The following BRD3 variants were observed in gnomAD, a reference collection of about 807,000 sequenced individuals.
The protein encoded by BRD3 is bromodomain containing 3.
In BRD3, 17 loss-of-function variants were observed where a neutral mutation model predicts 66.8. The observed-to-expected ratio is 0.25, with a 90% CI of 0.17 to 0.38. The LOEUF (loss-of-function observed/expected upper bound fraction) is 0.38. BRD3 is among the 10% of genes least tolerant of loss of function. The pLI is 1.00. For synonymous variants in BRD3, 421 were observed against 393.2 expected, an observed-to-expected ratio of 1.07 and a Z score of -0.84; for missense variants, 713 against 956.1, an observed-to-expected ratio of 0.75 and a Z score of 3.35.
In BRD3 at chr9:134,059,146, G is replaced by C. The variant is rs74750750; in HGVS notation, c.-113-5556C>G. Among the ~76,000 whole-genome samples, 52 of 152,364 alleles carry C rather than the reference G, an allele frequency of 3.4e-4. 1 individual carries two copies. Among genetic ancestry groups the C allele is most frequent in the African/African-American group, 1.2e-3 (51 of 41,578 alleles). On this transcript the variant is annotated intron_variant, in intron 1 of 11. Transcript: ENST00000303407. ...GAAATGTGTCTGGAATCTGCTTCAT[G>C]ATAATGTGGGGGGTGAAAATGAGTG...
intron 6 of BRD3, among the ~76,000 whole-genome samples, chr9:134,047,361 T>A (rs959500541): frequency 6.6e-6 from 1 of 150,574 alleles, no homozygotes; most frequent in Non-Finnish European, 1.5e-5. Context: ...GGCTTGGAGC[T>A]CTCCCAGAGG....
At chr9:134,063,272 C>T (rs1411827641) in intron 1 of BRD3, among the ~76,000 whole-genome samples, 1 of 152,204 alleles carries the variant, frequency 6.6e-6, no homozygotes, top group Non-Finnish European at 1.5e-5. Flanking sequence ...TGCAGCACAT[C>T]TGTCTGTGAG....
At chr9:134,044,835 G>A (rs934582884) in intron 7 of BRD3, among the ~76,000 whole-genome samples, 2 of 152,096 alleles carry the variant, frequency 1.3e-5, no homozygotes, top group South Asian at 2.1e-4. Context: ...TCTCCAATCC[G>A]CCTTTTACTT....
At position 134,040,170 on chromosome 9, in the gene BRD3, C is replaced by CCTTCTT; in HGVS notation, c.1501_1506dup (p.Lys501_Lys502dup). The CCTTCTT allele has an allele frequency of 1.9e-6, 3 of 1,563,698 alleles. No homozygotes were observed. Among genetic ancestry groups the CCTTCTT allele is most frequent in the East Asian group, 2.4e-5 (1 of 42,230 alleles). ...TGCTTCTCCTTCTCCTTCTCCTTGT[C>CCTTCTT]CTTCTTCTTCTTCTCCTTCTCCTTC... On this transcript the variant is annotated inframe_insertion, in exon 9 of 12. Coordinates refer to ENST00000303407, the MANE Select transcript of BRD3 (RefSeq NM_007371.4).
intron 9 of BRD3, among the ~76,000 whole-genome samples, chr9:134,037,401 T>C (rs1218151908): frequency 6.6e-6 from 1 of 151,946 alleles, no homozygotes; most frequent in African/African-American, 2.4e-5. Flanking sequence ...TGAAACCCTG[T>C]CTCTACTAAA....
intron 7 of BRD3, among the ~76,000 whole-genome samples, chr9:134,042,804 C>T (rs1204308898): frequency 2.0e-5 from 3 of 148,546 alleles, no homozygotes; most frequent in Non-Finnish European, 4.4e-5. Flanking sequence ...CACACACACA[C>T]ACACACACAC....
chr9:134,031,476 T>A lies in BRD3; in HGVS notation c.*2114A>T. On this transcript the variant is annotated 3_prime_UTR_variant, in exon 12 of 12. Coordinates refer to ENST00000303407, the MANE Select transcript of BRD3 (RefSeq NM_007371.4). ...TTCGGTTTAAATAGTCCATTAAAGA[T>A]CTGTTTAGAAAATACCTTTGAAAAC... The A allele has an allele frequency of 5.0e-6, 1 of 198,184 alleles. No individual in the cohort carries two copies. The highest frequency in any genetic ancestry group is 1.0e-5 in the Non-Finnish European group (1 of 98,450). The allele number at this position is 198,184 out of a possible 1,614,324, so 12.3% of individuals were successfully genotyped here.
intron 1 of BRD3, chr9:134,053,804 T>G: frequency 3.0e-6 from 1 of 337,354 alleles, no homozygotes; most frequent in Non-Finnish European, 5.4e-6. Flanking sequence ...CAACCACTGC[T>G]CTCAGGCACG....
chr9:134,034,932 C>G, intron 10 of BRD3, 103 bp from the exon 11 acceptor site: 1 of 1,512,664 alleles, frequency 6.6e-7, no homozygotes, highest in East Asian at 2.3e-5. Context: ...ACACTGGCAT[C>G]CATGCCAGCT....
At chr9:134,040,835 A>G in intron 8 of BRD3, among the ~76,000 whole-genome samples, 1 of 152,254 alleles carries the variant, frequency 6.6e-6, no homozygotes. Context: ...ATCCACTGCC[A>G]GCAACCAGCA....
chr9:134,033,381 C>G lies in BRD3; in HGVS notation c.*209G>C. 2.1e-6 allele frequency: 1 copy of G among 476,704 alleles called. No individual in the cohort carries two copies. Among genetic ancestry groups the G allele is most frequent in the Non-Finnish European group, 3.7e-6 (1 of 269,700 alleles). The allele number at this position is 476,704 out of a possible 1,614,324, so 29.5% of individuals were successfully genotyped here. A position where few individuals can be genotyped will look rare whatever the true frequency, so the allele number is the denominator to read the frequency against. ...AATTCAGTGATGAAGAAGAGACTTT[C>G]TGCAGAGTTCACACCTTCTCATCAA... On this transcript the variant is annotated 3_prime_UTR_variant, in exon 12 of 12. Coordinates refer to ENST00000303407, the MANE Select transcript of BRD3 (RefSeq NM_007371.4). The surrounding 1 kb of genome is among the most constrained non-coding windows in gnomAD (Gnocchi z 5.1).
intron 1 of BRD3, among the ~76,000 whole-genome samples, chr9:134,059,276 C>T (rs985376929): frequency 2.0e-5 from 3 of 152,228 alleles, no homozygotes; most frequent in Non-Finnish European, 4.4e-5. Flanking sequence ...GCACCCCGTT[C>T]CTCAACACAC....
chr9:134,039,425 G>T (rs920215271), intron 9 of BRD3, among the ~76,000 whole-genome samples: 1 of 152,090 alleles, frequency 6.6e-6, no homozygotes, highest in Non-Finnish European at 1.5e-5. Flanking sequence ...CTTTGTACCC[G>T]TTGTTCCCTG....
At chr9:134,037,208 AG>A (rs1439182821) in intron 9 of BRD3, among the ~76,000 whole-genome samples, 1 of 152,228 alleles carries the variant, frequency 6.6e-6, no homozygotes, top group African/African-American at 2.4e-5. Flanking sequence ...ACTAGTCAAA[AG>A]AAAGCTGGTG....
At position 134,033,199 on chromosome 9, in the gene BRD3, C is replaced by A; in HGVS notation, c.*391G>T. 2.5e-6 allele frequency: 1 copy of A among 407,164 alleles called. No homozygotes were observed. The highest frequency in any genetic ancestry group is 4.3e-6 in the Non-Finnish European group (1 of 231,430). 25.2% of individuals were successfully genotyped at this position (407,164 alleles called of 1,614,324 possible). Reference sequence around the variant, plus strand: ...AGCTAACAGCTTTCAAATACAGTACCCATATCCGAGACATTTCCTTGGAAA... The same window carrying A: ...AGCTAACAGCTTTCAAATACAGTACACATATCCGAGACATTTCCTTGGAAA... On this transcript the variant is annotated 3_prime_UTR_variant, in exon 12 of 12. Transcript: ENST00000303407. The surrounding 1 kb of genome is among the most constrained non-coding windows in gnomAD (Gnocchi z 5.1).
chr9:134,040,272 G>A lies in BRD3; in HGVS notation c.1408-3C>T. ...AGCTGCTCGTGCACGGCCTTCAGCT[G>A]GAAAAGAGCGGGCGGCTGAGCAGGT... On this transcript the variant is annotated splice_region_variant and splice_polypyrimidine_tract_variant and intron_variant, in intron 8 of 11. Coordinates refer to ENST00000303407, the MANE Select transcript of BRD3 (RefSeq NM_007371.4). 4 of 1,591,704 alleles carry A rather than the reference G, an allele frequency of 2.5e-6. No individual in the cohort carries two copies. Among genetic ancestry groups the A allele is most frequent in the Non-Finnish European group, 2.6e-6 (3 of 1,170,580 alleles).
intron 10 of BRD3, among the ~76,000 whole-genome samples, 168 bp from the exon 11 acceptor site, chr9:134,034,997 C>T (rs747140330): frequency 6.6e-6 from 1 of 152,172 alleles, no homozygotes. Context: ...ACCAGGGCTT[C>T]GAGTGGCAGA....
intron 9 of BRD3, among the ~76,000 whole-genome samples, chr9:134,039,149 T>C (rs1225743743): frequency 1.5e-4 from 23 of 152,298 alleles, no homozygotes. Flanking sequence ...TTCTTTTGCC[T>C]GCACAACCAC....
chr9:134,053,641 C>T, intron 1 of BRD3, 51 bp from the exon 2 acceptor site: 1 of 1,418,254 alleles, frequency 7.1e-7, no homozygotes, highest in East Asian at 2.5e-5. Context: ...CCCGGGGACC[C>T]CCACCTCTCC....
Sources: allele counts gnomAD v4.1 joint callset (sites outside exome capture counted in the v4.1 genomes callset), GRCh38; gene constraint gnomAD v4.1.1; non-coding constraint Gnocchi (gnomAD v3.1); transcripts MANE v1.5; gene names NCBI Gene and HGNC (gene_info 2026-07-23, HGNC 2026-07-21).